The following COQ10B variants were observed in gnomAD, a reference collection of about 807,000 sequenced individuals.
COQ10B encodes the protein coenzyme Q-binding protein COQ10 homolog B, mitochondrial.
COQ10B carries 12 observed loss-of-function variants against 27.6 expected under a neutral mutation model. That is an observed-to-expected ratio of 0.43 (90% confidence interval 0.28 to 0.70). The LOEUF (loss-of-function observed/expected upper bound fraction) is 0.70. Ranked by LOEUF, COQ10B falls within the 30% of genes least tolerant of loss-of-function variation. COQ10B has a pLI of 0.17. For missense variants in COQ10B, 278 were observed against 288.7 expected, an observed-to-expected ratio of 0.96 and a Z score of 0.27; for synonymous variants, 115 against 103.0, an observed-to-expected ratio of 1.12 and a Z score of -0.71.
chr2:197,461,559 C>CTGTGTGTGTG (rs60261177), intron 2 of COQ10B, among the ~76,000 whole-genome samples: 3 of 139,760 alleles, frequency 2.1e-5, no homozygotes, highest in African/African-American at 8.0e-5. Context: ...CTGATTTAGT[C>CTGTGTGTGTG]TGTGTGTGTG....
chr2:197,469,241 G>A (rs1384612673), intron 3 of COQ10B, among the ~76,000 whole-genome samples: 1 of 152,190 alleles, frequency 6.6e-6, no homozygotes, highest in Non-Finnish European at 1.5e-5. Flanking sequence ...ATCTCGTTCT[G>A]TTGCCCAGGC....
chr2:197,466,107 A>G (rs920208572), intron 3 of COQ10B, among the ~76,000 whole-genome samples: 7 of 152,134 alleles, frequency 4.6e-5, no homozygotes, highest in Non-Finnish European at 1.0e-4. Flanking sequence ...AACAAACACA[A>G]AACAAAAACA....
At chr2:197,457,089 C>A (rs1352343617) in intron 1 of COQ10B, among the ~76,000 whole-genome samples, 1 of 152,134 alleles carries the variant, frequency 6.6e-6, no homozygotes, top group African/African-American at 2.4e-5. Context: ...AACCTAGATT[C>A]CTCGCATGTG....
intron 3 of COQ10B, among the ~76,000 whole-genome samples, chr2:197,469,248 A>G (rs976238049): frequency 6.6e-6 from 1 of 152,218 alleles, no homozygotes; most frequent in Non-Finnish European, 1.5e-5. Flanking sequence ...TCTGTTGCCC[A>G]GGCTGGAGTG....
chr2:197,472,800 C>CAAAAA (rs34942079), intron 4 of COQ10B, among the ~76,000 whole-genome samples: 24 of 95,684 alleles, frequency 2.5e-4, no homozygotes, highest in African/African-American at 4.8e-4. Context: ...GGCTCCATCT[C>CAAAAA]AAAAAAAAAA....
rs1285624726 is a variant in COQ10B at position 197,456,539 on chromosome 2, C to T, written c.104+2875C>T. Among the ~76,000 whole-genome samples, 10 of 150,746 alleles carry T rather than the reference C, an allele frequency of 6.6e-5. No individual in the cohort carries two copies. The South Asian group carries it at 1.7e-3, about 25-fold the overall frequency. The stretch of plus-strand genomic sequence containing the variant: ...CAGCACTTTGGGAGGCTGAGGTGGG[C>T]GGATCACAAGGTCAGGAGATCGAGA... On this transcript the variant is annotated intron_variant, in intron 1 of 4. Coordinates refer to ENST00000263960, the MANE Select transcript of COQ10B (RefSeq NM_025147.5).
At chr2:197,456,948 G>C (rs1364304338) in intron 1 of COQ10B, among the ~76,000 whole-genome samples, 1 of 151,494 alleles carries the variant, frequency 6.6e-6, no homozygotes, top group Non-Finnish European at 1.5e-5. Flanking sequence ...CAACCTTTTT[G>C]GCACCAGAGA....
At position 197,455,678 on chromosome 2, in the gene COQ10B, G is replaced by A. The variant is rs376662879; in HGVS notation, c.104+2014G>A. 4.0e-5 allele frequency among the ~76,000 whole-genome samples: 6 copies of A among 150,392 alleles called. No homozygotes were observed. The East Asian group carries it at 1.0e-3, about 25-fold the overall frequency. On this transcript the variant is annotated intron_variant, in intron 1 of 4. Transcript: ENST00000263960. ...AGACCCTGTCTCAAAAAATAAACAAGGCCGGACACAGTGACTCACACCTGT... is the reference window on the plus strand; with the variant it reads ...AGACCCTGTCTCAAAAAATAAACAAAGCCGGACACAGTGACTCACACCTGT...
At chr2:197,454,342 A>C (rs149478354) in intron 1 of COQ10B, 2 of 436,748 alleles carry the variant, frequency 4.6e-6, no homozygotes, top group East Asian at 8.6e-5. Context: ...ATAACATTGT[A>C]ATATTCTTGA....
intron 1 of COQ10B, chr2:197,453,866 G>T (rs1369963906): frequency 7.7e-7 from 1 of 1,300,996 alleles, no homozygotes; most frequent in African/African-American, 1.5e-5. Context: ...TGTGTTCGTG[G>T]CTCGTTTGCC....
At chr2:197,462,497 T>G (rs926517701) in intron 2 of COQ10B, 42 bp from the exon 3 acceptor site, 41 of 1,001,572 alleles carry the variant, frequency 4.1e-5, no homozygotes, top group Non-Finnish European at 5.9e-5. Context: ...ATTATATAAC[T>G]AGATGGAGTT....
chr2:197,453,560 C>G lies in COQ10B; in HGVS notation c.-1C>G, dbSNP rs556392955. ...TGACGACCGGCTTCGGAGAGTCTATCATGGCAGCTCGGACTGGTCATACGG... is the reference window on the plus strand; with the variant it reads ...TGACGACCGGCTTCGGAGAGTCTATGATGGCAGCTCGGACTGGTCATACGG... On this transcript the variant is annotated 5_prime_UTR_variant, in exon 1 of 5. The change creates a new upstream start codon in the 5' untranslated region. Transcript: ENST00000263960. 3 of 1,612,346 alleles carry G rather than the reference C, an allele frequency of 1.9e-6. No homozygotes were observed. The South Asian group carries it at 3.3e-5, about 18-fold the overall frequency.
intron 4 of COQ10B, among the ~76,000 whole-genome samples, chr2:197,470,630 C>G (rs1032486368): frequency 1.3e-5 from 2 of 152,080 alleles, no homozygotes; most frequent in African/African-American, 2.4e-5. Context: ...TGGGGTGGCT[C>G]ACACCTATAA....
At chr2:197,458,709 C>T (rs2085725743) in intron 1 of COQ10B, among the ~76,000 whole-genome samples, 1 of 143,248 alleles carries the variant, frequency 7.0e-6, no homozygotes, top group Non-Finnish European at 1.5e-5. Context: ...GAGACGGAGT[C>T]TCATTCTGTT....
chr2:197,456,021 C>T (rs2085694646), intron 1 of COQ10B, among the ~76,000 whole-genome samples: 1 of 152,014 alleles, frequency 6.6e-6, no homozygotes, highest in Non-Finnish European at 1.5e-5. Flanking sequence ...TATATTAATA[C>T]ACGATGGGAA....
intron 1 of COQ10B, chr2:197,454,209 C>G: frequency 2.9e-6 from 4 of 1,363,094 alleles, no homozygotes; most frequent in Non-Finnish European, 4.0e-6. Context: ...CTTACAGGTC[C>G]TGTAACCTTG....
At chr2:197,468,542 T>G (rs1376402356) in intron 3 of COQ10B, among the ~76,000 whole-genome samples, 3 of 152,096 alleles carry the variant, frequency 2.0e-5, no homozygotes, top group East Asian at 3.8e-4. Flanking sequence ...CCTATAAGCT[T>G]CTTAAATGAT....
In COQ10B at chr2:197,460,193, T is replaced by C. The variant is rs895184760; in HGVS notation, c.254+112T>C. The stretch of plus-strand genomic sequence containing the variant: ...TCTTCTTACAGACTAAGCTCTCTTT[T>C]CTAGGTTGGCCTTTTTCTTTTTTTT... On this transcript the variant is annotated intron_variant, in intron 2 of 4. Transcript: ENST00000263960. 11 of 724,526 alleles carry C rather than the reference T, an allele frequency of 1.5e-5. No homozygotes were observed. In the Admixed American group the frequency reaches 1.6e-4, roughly 10 times the overall value. 44.9% of individuals were successfully genotyped at this position (724,526 alleles called of 1,614,324 possible). A position where few individuals can be genotyped will look rare whatever the true frequency, so the allele number is the denominator to read the frequency against.
rs61745365 is a variant in COQ10B at position 197,473,855 on chromosome 2, A to T, written c.648A>T (p.Ala216=). 9,687 of 1,605,480 alleles carry T rather than the reference A, an allele frequency of 6.0e-3. 58 individuals are homozygous for T. Among genetic ancestry groups the T allele is most frequent in the Non-Finnish European group, 7.3e-3 (8,622 of 1,174,308 alleles). Residue 216 remains alanine (A), a synonymous_variant, in exon 5 of 5, where the codon GCA becomes GCT. Transcript: ENST00000263960. ...TGGTAGCTGCCTTTGAAAGAAGAGC[A>T]TGTAAGCTGTATGGTCCAGAAACAA... ...KQMVAAFERR[A]CKLYGPETNI...
Sources: gnomAD v4.1 joint callset for allele counts (sites outside exome capture counted in the v4.1 genomes callset) on GRCh38, gnomAD v4.1.1 for gene constraint, MANE v1.5 for transcripts, NCBI Gene and HGNC (gene_info 2026-07-23, HGNC 2026-07-21) for gene names.